The following MIPOL1 variants were observed in gnomAD, a reference collection of about 807,000 sequenced individuals.
MIPOL1 encodes mirror-image polydactyly 1, also known as mirror-image polydactyly gene 1 protein.
In MIPOL1, 57 loss-of-function variants were observed where a neutral mutation model predicts 60.9. The observed-to-expected ratio is 0.94, with a 90% CI of 0.76 to 1.17. MIPOL1 has a LOEUF of 1.17. Ranked by LOEUF, MIPOL1 falls within the 50% of genes most tolerant of loss-of-function variation. The pLI is 0.00. For missense variants in MIPOL1, 551 were observed against 511.6 expected (o/e 1.08, Z -0.74); for synonymous variants, 179 against 168.8 (o/e 1.06, Z -0.47).
chr14:37,457,977 A>G (rs2094495680), intron 11 of MIPOL1, among the ~76,000 whole-genome samples: 1 of 152,116 alleles, frequency 6.6e-6, no homozygotes, highest in South Asian at 2.1e-4. Context: ...ACACTCAGAC[A>G]TGGGTTGAAA....
chr14:37,459,492 T>C (rs2094515085), intron 11 of MIPOL1, among the ~76,000 whole-genome samples: 1 of 152,086 alleles, frequency 6.6e-6, no homozygotes, highest in Non-Finnish European at 1.5e-5. Flanking sequence ...TGATCAGACC[T>C]GTAATGAGTA....
chr14:37,214,994 G>T (rs1967371795), intron 1 of MIPOL1, among the ~76,000 whole-genome samples: 1 of 152,134 alleles, frequency 6.6e-6, no homozygotes, highest in African/African-American at 2.4e-5. Flanking sequence ...TCCCTGTGAT[G>T]CTGTGCTTCA....
chr14:37,483,417 C>T (rs1023448995), intron 11 of MIPOL1, among the ~76,000 whole-genome samples: 1 of 151,956 alleles, frequency 6.6e-6, no homozygotes, highest in Non-Finnish European at 1.5e-5. Flanking sequence ...GCACAGCCAA[C>T]AACAATCCTT....
intron 7 of MIPOL1, among the ~76,000 whole-genome samples, chr14:37,296,765 A>G (rs185232089): frequency 8.5e-5 from 13 of 152,342 alleles, no homozygotes; most frequent in African/African-American, 2.9e-4. Flanking sequence ...GTAGAATTTG[A>G]ATCTCTGAAT....
chr14:37,313,926 G>C (rs1426946257), intron 9 of MIPOL1, among the ~76,000 whole-genome samples: 1 of 151,978 alleles, frequency 6.6e-6, no homozygotes, highest in Non-Finnish European at 1.5e-5. Context: ...CCTTTCCTTG[G>C]GTTTCCTTCT....
At chr14:37,398,430 A>G (rs894026434) in intron 10 of MIPOL1, among the ~76,000 whole-genome samples, 6 of 152,036 alleles carry the variant, frequency 3.9e-5, no homozygotes, top group African/African-American at 7.2e-5. Context: ...AAAATTCGCA[A>G]TGTGAGCCTC....
At chr14:37,341,217 C>G (rs1164998222) in intron 9 of MIPOL1, among the ~76,000 whole-genome samples, 2 of 152,152 alleles carry the variant, frequency 1.3e-5, no homozygotes, top group Non-Finnish European at 2.9e-5. Context: ...TGAGCACATG[C>G]TATTGGAAAA....
At chr14:37,378,998 A>T (rs2153506887) in intron 10 of MIPOL1, among the ~76,000 whole-genome samples, 1 of 152,172 alleles carries the variant, frequency 6.6e-6, no homozygotes, top group Admixed American at 6.6e-5. Flanking sequence ...ATAAAAACTG[A>T]TACAGCCGAA....
intron 11 of MIPOL1, among the ~76,000 whole-genome samples, chr14:37,497,732 C>A (rs1352756722): frequency 6.6e-6 from 1 of 152,256 alleles, no homozygotes; most frequent in East Asian, 1.9e-4. Flanking sequence ...AACATCACTG[C>A]ATCCATATTA....
chr14:37,208,782 G>T (rs1966508118), intron 1 of MIPOL1, among the ~76,000 whole-genome samples: 1 of 152,066 alleles, frequency 6.6e-6, no homozygotes, highest in Non-Finnish European at 1.5e-5. Context: ...GTAGAGATGG[G>T]GATTCACCAT....
chr14:37,540,214 T>C (rs2095524189), intron 12 of MIPOL1, among the ~76,000 whole-genome samples: 3 of 152,204 alleles, frequency 2.0e-5, no homozygotes, highest in South Asian at 2.1e-4. Flanking sequence ...GTTTTCACTT[T>C]CTGTATGACT....
intron 3 of MIPOL1, among the ~76,000 whole-genome samples, chr14:37,254,210 A>C (rs1974553334): frequency 6.6e-6 from 1 of 151,770 alleles, no homozygotes; most frequent in East Asian, 1.9e-4. Flanking sequence ...CTTTAATATA[A>C]ATAAGTTTAT....
At chr14:37,368,485 G>T (rs2092546410) in intron 9 of MIPOL1, among the ~76,000 whole-genome samples, 1 of 151,906 alleles carries the variant, frequency 6.6e-6, no homozygotes, top group African/African-American at 2.4e-5. Flanking sequence ...AATAAGTAAT[G>T]ATTTTTTATT....
intron 11 of MIPOL1, among the ~76,000 whole-genome samples, chr14:37,491,712 A>G (rs1007625534): frequency 1.2e-4 from 19 of 152,172 alleles, no homozygotes; most frequent in African/African-American, 4.6e-4. Flanking sequence ...TCCAGTTTAA[A>G]ATTCTTGAAA....
chr14:37,386,326 G>A (rs2093065758), intron 10 of MIPOL1, among the ~76,000 whole-genome samples: 1 of 151,970 alleles, frequency 6.6e-6, no homozygotes. Flanking sequence ...ATAGCAAGAT[G>A]TCATATATTC....
At chr14:37,247,066 A>G (rs544771108) in intron 1 of MIPOL1, 37 bp from the exon 2 acceptor site, 2 of 152,638 alleles carry the variant, frequency 1.3e-5, no homozygotes, top group East Asian at 1.9e-4. Context: ...TGACTGGAAC[A>G]TATTTCTTTG....
chr14:37,463,683 C>T (rs768229276), intron 11 of MIPOL1, among the ~76,000 whole-genome samples: 1 of 152,040 alleles, frequency 6.6e-6, no homozygotes, highest in South Asian at 2.1e-4. Context: ...AAAACTCTTC[C>T]GGACATCAGC....
intron 10 of MIPOL1, among the ~76,000 whole-genome samples, chr14:37,405,450 A>AT (rs1451228989): frequency 1.3e-5 from 2 of 152,138 alleles, no homozygotes; most frequent in African/African-American, 4.8e-5. Flanking sequence ...TAATGTCTAT[A>AT]TGCCAACTAA....
chr14:37,225,616 A>AC (rs1969582878), intron 1 of MIPOL1, among the ~76,000 whole-genome samples: 1 of 151,952 alleles, frequency 6.6e-6, no homozygotes, highest in Admixed American at 6.6e-5. Context: ...TGGCTGACCC[A>AC]CTTTTTCCTC....
Sources: allele counts gnomAD v4.1 joint callset (sites outside exome capture counted in the v4.1 genomes callset), GRCh38; gene constraint gnomAD v4.1.1; transcripts MANE v1.5; gene names NCBI Gene and HGNC (gene_info 2026-07-23, HGNC 2026-07-21).